ROBO2: variants seen among roughly 807,000 people sequenced by gnomAD.
ROBO2 encodes the protein roundabout homolog 2.
ROBO2 carries 53 observed loss-of-function variants against 160.8 expected under a neutral mutation model. The ratio of observed to expected loss-of-function variants is 0.33; its 90% CI spans 0.26 to 0.41. The LOEUF (loss-of-function observed/expected upper bound fraction) is 0.41, where lower values mean the gene tolerates loss of function less well. ROBO2 is among the 10% of genes least tolerant of loss of function. The pLI is 1.00. For synonymous variants in ROBO2, 664 were observed against 611.7 expected, an observed-to-expected ratio of 1.09 and a Z score of -1.26; for missense variants, 1,577 against 1,722.4, an observed-to-expected ratio of 0.92 and a Z score of 1.49.
chr3:77,392,936 G>A (rs997504464), intron 2 of ROBO2, among the ~76,000 whole-genome samples: 4 of 152,058 alleles, frequency 2.6e-5, no homozygotes, highest in African/African-American at 7.2e-5. Context: ...TTATTATTTT[G>A]TGCTGATATT....
At chr3:77,530,825 A>C (rs1311928441) in intron 6 of ROBO2, among the ~76,000 whole-genome samples, 1 of 152,028 alleles carries the variant, frequency 6.6e-6, no homozygotes, top group Non-Finnish European at 1.5e-5. Flanking sequence ...TGAATGCTGA[A>C]ATATTCATTT....
At chr3:76,558,391 G>GA (rs750970565) in intron 2 of ROBO2, among the ~76,000 whole-genome samples, 30 of 151,844 alleles carry the variant, frequency 2.0e-4, no homozygotes, top group Non-Finnish European at 3.1e-4. Context: ...TGCTATGAGA[G>GA]AAAAAATGTC....
chr3:76,277,540 G>A lies in ROBO2; in HGVS notation c.109+339938G>A, dbSNP rs141631747. Among the ~76,000 whole-genome samples, 18 of 151,900 alleles carry A rather than the reference G, an allele frequency of 1.2e-4. No individual in the cohort carries two copies. The South Asian group carries it at 3.3e-3, about 28-fold the overall frequency. ...GGATGCTCAGCTTTTGGTATAAAAT[G>A]AAAGAAGCAAGGAGGGGGCAAAATC... On this transcript the variant is annotated intron_variant, in intron 2 of 26. Coordinates refer to the ROBO2 transcript ENST00000487694.
At chr3:77,108,142 G>T (rs956796723) in intron 2 of ROBO2, among the ~76,000 whole-genome samples, 1 of 147,346 alleles carries the variant, frequency 6.8e-6, no homozygotes, top group African/African-American at 2.5e-5. Context: ...ATACATATAT[G>T]TGTGTATCCA....
At chr3:77,404,240 C>T (rs1257727164) in intron 2 of ROBO2, among the ~76,000 whole-genome samples, 2 of 152,158 alleles carry the variant, frequency 1.3e-5, no homozygotes, top group South Asian at 2.1e-4. Flanking sequence ...CACAGCCCCT[C>T]TATATAAACA....
chr3:76,246,107 T>A (rs2107532913), intron 2 of ROBO2, among the ~76,000 whole-genome samples: 1 of 151,842 alleles, frequency 6.6e-6, no homozygotes, highest in South Asian at 2.1e-4. Context: ...GTGGTATGTG[T>A]ATTTTGTTAG....
chr3:77,110,794 A>G (rs1425816161), intron 2 of ROBO2, among the ~76,000 whole-genome samples: 2 of 151,828 alleles, frequency 1.3e-5, no homozygotes, highest in Admixed American at 6.6e-5. Context: ...CCCAGACTCA[A>G]GTGATCCTTC....
chr3:76,707,731 G>GTGTGTATATATATATATA (rs376823667), intron 2 of ROBO2, among the ~76,000 whole-genome samples: 12 of 134,196 alleles, frequency 8.9e-5, no homozygotes, highest in South Asian at 2.5e-4. Flanking sequence ...ACATGTGTGT[G>GTGTGTATATATATATATA]TATATATATA....
At chr3:77,309,654 T>C (rs1389096213) in intron 2 of ROBO2, among the ~76,000 whole-genome samples, 1 of 152,192 alleles carries the variant, frequency 6.6e-6, no homozygotes, top group Non-Finnish European at 1.5e-5. Context: ...GGTTTTTAGC[T>C]CTCTTCCCAG....
At chr3:76,392,344 T>A (rs1333823725) in intron 2 of ROBO2, among the ~76,000 whole-genome samples, 1 of 152,170 alleles carries the variant, frequency 6.6e-6, no homozygotes, top group African/African-American at 2.4e-5. Context: ...TGTTCATGCA[T>A]AGTGAATAGC....
chr3:76,358,114 T>C (rs942789931), intron 2 of ROBO2, among the ~76,000 whole-genome samples: 1 of 151,952 alleles, frequency 6.6e-6, no homozygotes. Context: ...GTGGATATAG[T>C]CTAATAGCCC....
rs574784582 is a variant in ROBO2, at chr3:76,396,132, G to A, written c.109+458530G>A. 3.3e-5 allele frequency among the ~76,000 whole-genome samples: 5 copies of A among 152,282 alleles called. No individual in the cohort carries two copies. The South Asian group carries it at 1.0e-3, about 32-fold the overall frequency. On this transcript the variant is annotated intron_variant, in intron 2 of 26. Transcript: ENST00000487694. ...CAAAAAGCTCATCCACCATGATCAAGTGGGCTTCATCCCTGGGATGCAAGG... is the reference window on the plus strand; with the variant it reads ...CAAAAAGCTCATCCACCATGATCAAATGGGCTTCATCCCTGGGATGCAAGG...
intron 2 of ROBO2, among the ~76,000 whole-genome samples, chr3:77,318,190 G>A (rs1236529642): frequency 6.6e-6 from 1 of 151,944 alleles, no homozygotes; most frequent in Admixed American, 6.6e-5. Context: ...TAGAATCACA[G>A]GCACCTGCTA....
chr3:77,582,666 C>T (rs954184554), intron 16 of ROBO2, among the ~76,000 whole-genome samples: 1 of 152,096 alleles, frequency 6.6e-6, no homozygotes, highest in Non-Finnish European at 1.5e-5. Context: ...TATAGTGTCA[C>T]TCCTTTTCCT....
intron 19 of ROBO2, among the ~76,000 whole-genome samples, chr3:77,599,672 A>C (rs1314085479): frequency 1.3e-5 from 2 of 151,934 alleles, no homozygotes; most frequent in Non-Finnish European, 2.9e-5. Context: ...AAAATAAATA[A>C]AATTTGGCAA....
intron 2 of ROBO2, among the ~76,000 whole-genome samples, chr3:77,026,151 T>C (rs2062950838): frequency 6.6e-6 from 1 of 152,224 alleles, no homozygotes; most frequent in Non-Finnish European, 1.5e-5. Flanking sequence ...TATAGGTTTT[T>C]AATGATATAA....
chr3:77,051,542 C>CA (rs2065229409), intron 1 of ROBO2, among the ~76,000 whole-genome samples: 1 of 152,198 alleles, frequency 6.6e-6, no homozygotes, highest in Non-Finnish European at 1.5e-5. Context: ...TTGAGGCTCT[C>CA]AGTAAATGTG....
rs2076766018 is a variant in ROBO2 at position 77,411,125 on chromosome 3, T to C, written c.389-66289T>C. Among the ~76,000 whole-genome samples the C allele has an allele frequency of 2.0e-5, 3 of 152,140 alleles. No homozygotes were observed. The South Asian group carries it at 6.2e-4, about 31-fold the overall frequency. ...AAACAGCTTGTAATCTGTAATCTCT[T>C]ATAAGCACAGAGCAGAAATAAAAAT... On this transcript the variant is annotated intron_variant, in intron 2 of 25. Transcript: ENST00000461745.
intron 2 of ROBO2, among the ~76,000 whole-genome samples, chr3:77,010,592 C>T (rs923044545): frequency 2.6e-5 from 4 of 152,122 alleles, no homozygotes; most frequent in East Asian, 3.9e-4. Flanking sequence ...ACACATCAGT[C>T]CTGACCCAGT....
Sources: gnomAD v4.1 joint callset for allele counts (sites outside exome capture counted in the v4.1 genomes callset) on GRCh38, gnomAD v4.1.1 for gene constraint, MANE v1.5 for transcripts, NCBI Gene and HGNC (gene_info 2026-07-23, HGNC 2026-07-21) for gene names.